The following TBC1D19 variants were observed in gnomAD, a reference collection of about 807,000 sequenced individuals.
The protein encoded by TBC1D19 is TBC1 domain family, member 19.
TBC1D19 carries 60 observed loss-of-function variants against 89.0 expected under a neutral mutation model. The observed-to-expected ratio is 0.67, with a 90% CI of 0.55 to 0.84. The LOEUF is 0.84. TBC1D19 is among the 40% of genes least tolerant of loss of function. The probability of loss-of-function intolerance (pLI) is 0.00; values close to 1 mark genes in which losing one functional copy is unlikely to be tolerated. For missense variants in TBC1D19, 500 were observed against 610.8 expected (o/e 0.82, Z 1.91); for synonymous variants, 189 against 199.7 (o/e 0.95, Z 0.45).
At chr4:26,786,419 G>A in the TBC1D19 span, among the ~76,000 whole-genome samples, 7 of 152,124 alleles carry the variant, frequency 4.6e-5, no homozygotes, top group African/African-American at 1.7e-4. Context: ...TGGATCACGA[G>A]GTCAGGAGAT....
At chr4:26,770,127 A>G in the TBC1D19 span, among the ~76,000 whole-genome samples, 3 of 152,268 alleles carry the variant, frequency 2.0e-5, no homozygotes, top group South Asian at 4.1e-4. Flanking sequence ...TAAATAAAAA[A>G]TCTAAATACA....
At chr4:26,706,940 A>G (rs887382114) in intron 13 of TBC1D19, among the ~76,000 whole-genome samples, 1 of 151,748 alleles carries the variant, frequency 6.6e-6, no homozygotes, top group Non-Finnish European at 1.5e-5. Flanking sequence ...TTAATTAGTG[A>G]CCTAATATAT....
rs1303789943 is a variant in TBC1D19 at position 26,640,190 on chromosome 4, A to G, written c.480+3A>G. On this transcript the variant is annotated splice_donor_region_variant and intron_variant, in intron 7 of 20. Coordinates refer to ENST00000264866, the MANE Select transcript of TBC1D19 (RefSeq NM_018317.4). The stretch of plus-strand genomic sequence containing the variant: ...ATGCACCTAAGGATTTTCTTGAGGT[A>G]GGTTCTATTGGATAAATACACATAT... 2 of 1,602,634 alleles carry G rather than the reference A, an allele frequency of 1.2e-6. No individual in the cohort carries two copies. Among genetic ancestry groups the G allele is most frequent in the Non-Finnish European group, 1.7e-6 (2 of 1,170,550 alleles).
chr4:26,807,335 G>A, the TBC1D19 span, among the ~76,000 whole-genome samples: 1 of 152,126 alleles, frequency 6.6e-6, no homozygotes. Context: ...AGGGAAGAAG[G>A]CCTTTCACAA....
At chr4:26,815,978 C>T in the TBC1D19 span, among the ~76,000 whole-genome samples, 2 of 152,188 alleles carry the variant, frequency 1.3e-5, no homozygotes, top group Non-Finnish European at 2.9e-5. Context: ...TTCCACAGAA[C>T]TGAAGCACCA....
At chr4:26,620,533 T>G in intron 3 of TBC1D19, 80 bp from the exon 4 acceptor site, 1 of 1,159,572 alleles carries the variant, frequency 8.6e-7, no homozygotes, top group South Asian at 1.4e-5. Flanking sequence ...GAAAACAGTT[T>G]ATAACATGGA....
intron 18 of TBC1D19, among the ~76,000 whole-genome samples, chr4:26,745,800 C>G (rs1389253464): frequency 6.6e-6 from 1 of 152,078 alleles, no homozygotes; most frequent in Non-Finnish European, 1.5e-5. Context: ...GTGTGAGCCA[C>G]CGCACCCAGC....
chr4:26,853,606 C>T, the TBC1D19 span, among the ~76,000 whole-genome samples: 9 of 151,988 alleles, frequency 5.9e-5, no homozygotes, highest in African/African-American at 1.5e-4. Context: ...GGTGCGGTCT[C>T]GGCTCACTGC....
the TBC1D19 span, among the ~76,000 whole-genome samples, chr4:26,781,554 G>A: frequency 2.0e-5 from 3 of 152,314 alleles, no homozygotes; most frequent in South Asian, 4.1e-4. Context: ...CCACATGCAG[G>A]ATGCTGATGT....
intron 17 of TBC1D19, among the ~76,000 whole-genome samples, 200 bp downstream of exon 17, chr4:26,740,173 G>A (rs1718271514): frequency 6.6e-6 from 1 of 152,080 alleles, no homozygotes; most frequent in Non-Finnish European, 1.5e-5. Flanking sequence ...AACAGAAAAA[G>A]TCTCTTGTCA....
the TBC1D19 span, among the ~76,000 whole-genome samples, chr4:26,786,391 T>C: frequency 2.6e-5 from 4 of 152,032 alleles, no homozygotes; most frequent in Non-Finnish European, 5.9e-5. Context: ...TCCCGGCCCT[T>C]TGGAAGGCCG....
chr4:26,833,008 A>G, the TBC1D19 span, among the ~76,000 whole-genome samples: 2 of 152,306 alleles, frequency 1.3e-5, no homozygotes, highest in African/African-American at 4.8e-5. Flanking sequence ...AACCAAAAAC[A>G]AAACAAAACA....
intron 15 of TBC1D19, among the ~76,000 whole-genome samples, chr4:26,729,615 A>G (rs888071408): frequency 1.3e-5 from 2 of 152,202 alleles, no homozygotes; most frequent in African/African-American, 4.8e-5. Flanking sequence ...GTTCAGAGCT[A>G]TCAAACTGTA....
chr4:26,845,693 A>G, the TBC1D19 span, among the ~76,000 whole-genome samples: 1 of 152,252 alleles, frequency 6.6e-6, no homozygotes, highest in South Asian at 2.1e-4. Context: ...ATGGACTCAC[A>G]GTCCCCCATG....
the TBC1D19 span, among the ~76,000 whole-genome samples, chr4:26,833,310 G>A: frequency 6.4e-3 from 975 of 152,256 alleles, 8 homozygotes; most frequent in Middle Eastern, 0.01. Flanking sequence ...TTTGGGGAGT[G>A]TGCGTCAGCT....
chr4:26,652,775 T>G (rs1272434250), intron 7 of TBC1D19, among the ~76,000 whole-genome samples: 3 of 152,216 alleles, frequency 2.0e-5, no homozygotes, highest in Admixed American at 2.0e-4. Flanking sequence ...TTTATTAGTC[T>G]TGCTAGCGGT....
rs199598813 is a variant in TBC1D19, at chr4:26,637,281, G to A, written c.365G>A (p.Arg122Gln). The change falls in exon 5 of 21, where the codon CGA (arginine) becomes CAA (glutamine). Residue 122 changes from arginine to glutamine, a missense_variant. Coordinates refer to ENST00000264866, the MANE Select transcript of TBC1D19 (RefSeq NM_018317.4). Reference sequence around the variant, plus strand: ...ACTGAACTGAGTATCCCACTGGCACGAAAGGTACTTTTAAACATTTTTCTG... The same window carrying A: ...ACTGAACTGAGTATCCCACTGGCACAAAAGGTACTTTTAAACATTTTTCTG... ...MCTELSIPLA[R>Q]KRPVGEQKEL... The A allele has an allele frequency of 2.2e-5, 35 of 1,607,052 alleles. No individual in the cohort carries two copies. The highest frequency in any genetic ancestry group is 1.4e-5 in the Non-Finnish European group (16 of 1,176,758).
the TBC1D19 span, among the ~76,000 whole-genome samples, chr4:26,842,585 T>TCCC: frequency 7.0e-5 from 5 of 71,940 alleles, no homozygotes; most frequent in East Asian, 4.2e-4. Context: ...CCTCCCTCCC[T>TCCC]TTCTTTCTTT....
chr4:26,735,202 A>G (rs1717970310), intron 15 of TBC1D19, among the ~76,000 whole-genome samples: 1 of 151,684 alleles, frequency 6.6e-6, no homozygotes, highest in Non-Finnish European at 1.5e-5. Flanking sequence ...ACACATATAT[A>G]TATTCAAAGC....
Sources: allele counts gnomAD v4.1 joint callset (sites outside exome capture counted in the v4.1 genomes callset), GRCh38; gene constraint gnomAD v4.1.1; transcripts MANE v1.5; gene names NCBI Gene and HGNC (gene_info 2026-07-23, HGNC 2026-07-21).